F8: variants seen among roughly 807,000 people sequenced by gnomAD.
F8 encodes the protein coagulation factor VIII.
A neutral mutation model predicts 140.6 loss-of-function variants in F8; 12 were observed. The observed-to-expected ratio is 0.09, with a 90% CI of 0.05 to 0.14. The LOEUF (loss-of-function observed/expected upper bound fraction) is 0.14, where lower values mean the gene tolerates loss of function less well. Among genes scored for constraint, F8 ranks in the 10% least tolerant of loss-of-function variants. F8 has a pLI of 1.00. For synonymous variants in F8, 585 were observed against 614.6 expected (o/e 0.95, Z 0.71); for missense variants, 1,354 against 1,720.7 (o/e 0.79, Z 3.77).
chrX:154,995,720 G>A (rs1290921660), intron 3 of F8, among the ~76,000 whole-genome samples: 4 of 112,647 alleles, frequency 3.6e-5, no homozygotes, highest in Non-Finnish European at 7.5e-5. Flanking sequence ...TTTTAATAAT[G>A]TATTTCGTTT....
intron 22 of F8, among the ~76,000 whole-genome samples, chrX:154,871,558 A>C (rs1415423291): frequency 1.8e-5 from 2 of 112,435 alleles, no homozygotes; most frequent in Non-Finnish European, 3.8e-5. Context: ...AAGATGGATC[A>C]AATACTTAAA....
At chrX:154,841,619 C>A (rs961131104) in intron 25 of F8, among the ~76,000 whole-genome samples, 4 of 111,214 alleles carry the variant, frequency 3.6e-5, no homozygotes, top group Non-Finnish European at 7.5e-5. Context: ...TCTATGCCAT[C>A]ATATCTTCCA....
At chrX:154,908,039 C>T (rs1224766329) in intron 14 of F8, among the ~76,000 whole-genome samples, 3 of 111,455 alleles carry the variant, frequency 2.7e-5, no homozygotes, top group Admixed American at 1.9e-4. Flanking sequence ...TTTCCCTACC[C>T]TGTGGTTATT....
In F8 at chrX:154,958,565, G is replaced by T. The variant is rs782356236; in HGVS notation, c.1538-1394C>A. Among the ~76,000 whole-genome samples, 306 of 111,786 alleles carry T rather than the reference G, an allele frequency of 2.7e-3. 1 individual carries two copies. Among genetic ancestry groups the T allele is most frequent in the Non-Finnish European group, 4.2e-3 (223 of 53,129 alleles). Reference sequence around the variant, plus strand: ...TGTCACTATGCCATTCTTCCATAAAGAAATGCAAATAAAGAATTCTTATCG... The same window carrying T: ...TGTCACTATGCCATTCTTCCATAAATAAATGCAAATAAAGAATTCTTATCG... On this transcript the variant is annotated intron_variant, in intron 10 of 25. Coordinates refer to ENST00000360256, the MANE Select transcript of F8 (RefSeq NM_000132.4).
rs183540709 is a variant in F8 at position 154,935,480 on chromosome X, T to C, written c.2114-3804A>G. 3.6e-5 allele frequency among the ~76,000 whole-genome samples: 4 copies of C among 111,720 alleles called. No individual in the cohort carries two copies. In the East Asian group the frequency reaches 1.1e-3, roughly 31 times the overall value. ...GTGCCGGGACAACTGGATGTTTACA[T>C]GCAAAAAATAAAAAAGAGGTTAGAC... On this transcript the variant is annotated intron_variant, in intron 13 of 25. Transcript: ENST00000360256.
intron 1 of F8, among the ~76,000 whole-genome samples, chrX:155,006,878 C>T (rs2073679306): frequency 1.8e-5 from 1 of 55,618 alleles, no homozygotes; most frequent in South Asian, 1.1e-3. Context: ...CACAGGATCT[C>T]GCAGCAGATT....
intron 10 of F8, among the ~76,000 whole-genome samples, chrX:154,959,882 G>T (rs2073387393): frequency 8.9e-6 from 1 of 112,180 alleles, no homozygotes; most frequent in Admixed American, 9.5e-5. Flanking sequence ...TAATACAAAT[G>T]CTGTTTTTTA....
intron 12 of F8, among the ~76,000 whole-genome samples, chrX:154,951,429 G>A (rs2073337321): frequency 9.0e-6 from 1 of 110,986 alleles, no homozygotes; most frequent in Non-Finnish European, 1.9e-5. Flanking sequence ...TTCTTCCTCT[G>A]TATCCCTAAA....
rs782672676 is a variant in F8 at position 154,846,812 on chromosome X, T to C, written c.6901-9060A>G. Among the ~76,000 whole-genome samples the C allele has an allele frequency of 2.7e-5, 3 of 111,918 alleles. No homozygotes were observed. The South Asian group carries it at 1.1e-3, about 42-fold the overall frequency. Reference sequence around the variant, plus strand: ...AAGGTTAATATTGTTATGTGTGAATTTGATCCTGTCATTATGATGTTAGCT... The same window carrying C: ...AAGGTTAATATTGTTATGTGTGAATCTGATCCTGTCATTATGATGTTAGCT... On this transcript the variant is annotated intron_variant, in intron 25 of 25. Transcript: ENST00000360256.
chrX:154,982,464 A>AATATAT (rs782606425), intron 6 of F8, among the ~76,000 whole-genome samples: 11 of 83,371 alleles, frequency 1.3e-4, no homozygotes, highest in East Asian at 7.2e-4. Flanking sequence ...AAAAAAAAAA[A>AATATAT]ATATATATAT....
At chrX:154,911,596 C>T (rs2073068327) in intron 14 of F8, among the ~76,000 whole-genome samples, 1 of 111,564 alleles carries the variant, frequency 9.0e-6, no homozygotes, top group African/African-American at 3.3e-5. Flanking sequence ...AGTCTTTATC[C>T]ATTCATCTGT....
intron 3 of F8, among the ~76,000 whole-genome samples, chrX:154,996,676 G>A (rs782234571): frequency 6.5e-4 from 72 of 110,824 alleles, no homozygotes; most frequent in Non-Finnish European, 1.1e-3. Flanking sequence ...ATTCCTAGGG[G>A]GTATACAGGT....
intron 6 of F8, among the ~76,000 whole-genome samples, chrX:154,975,169 A>G (rs782605636): frequency 9.0e-6 from 1 of 110,872 alleles, no homozygotes; most frequent in African/African-American, 3.3e-5. Context: ...GAGATGCATC[A>G]TTAGGTTGTT....
intron 11 of F8, among the ~76,000 whole-genome samples, chrX:154,955,112 T>G (rs1557281061): frequency 9.2e-6 from 1 of 108,475 alleles, no homozygotes; most frequent in African/African-American, 3.4e-5. Flanking sequence ...TCTAGCCATA[T>G]TTTGAAATAT....
chrX:154,850,116 TGTGTA>T (rs1186602331), intron 25 of F8, among the ~76,000 whole-genome samples: 15 of 106,431 alleles, frequency 1.4e-4, no homozygotes, highest in Admixed American at 1.2e-3. Context: ...TGTGTGTGTG[TGTGTA>T]TTTTTTTTTT....
Position 154,837,569 on chromosome X carries a change from G to A in F8, c.*28C>T. ...TGGAGCTGAGGAGGGAGAGGTGACG[G>A]CAGTGGCAGGTGCTGCAGTGGCCAC... On this transcript the variant is annotated 3_prime_UTR_variant, in exon 26 of 26. Transcript: ENST00000360256. 1 of 1,182,118 alleles carries A rather than the reference G, an allele frequency of 8.5e-7. No individual in the cohort carries two copies. Among genetic ancestry groups the A allele is most frequent in the Non-Finnish European group, 1.1e-6 (1 of 880,097 alleles).
chrX:154,990,073 T>G (rs1019754672), intron 4 of F8, among the ~76,000 whole-genome samples: 20 of 112,382 alleles, frequency 1.8e-4, no homozygotes, highest in African/African-American at 6.1e-4. Context: ...CTATATCATT[T>G]TTTTGAAATG....
intron 18 of F8, 148 bp from the exon 19 acceptor site, chrX:154,902,315 C>T (rs935920205): frequency 1.8e-5 from 9 of 498,962 alleles, no homozygotes; most frequent in Admixed American, 5.4e-5. Flanking sequence ...GTGCTTGCTA[C>T]GTGACCCTTA....
rs782796837 is a variant in F8 at position 154,880,508 on chromosome X, C to A, written c.6429+15569G>T. Among the ~76,000 whole-genome samples, 23 of 111,966 alleles carry A rather than the reference C, an allele frequency of 2.1e-4. No individual in the cohort carries two copies. The South Asian group carries it at 4.5e-3, about 22-fold the overall frequency. On this transcript the variant is annotated intron_variant, in intron 22 of 25. Transcript: ENST00000360256. ...CTTTTCCACAATTAACTCTCCTAGC[C>A]CAAACCCCAATGTCTTGTTATGTTT...
Sources: gnomAD v4.1 joint callset for allele counts (sites outside exome capture counted in the v4.1 genomes callset) on GRCh38, gnomAD v4.1.1 for gene constraint, MANE v1.5 for transcripts, NCBI Gene and HGNC (gene_info 2026-07-23, HGNC 2026-07-21) for gene names.